REDIC1: variants seen among roughly 807,000 people sequenced by gnomAD.
REDIC1 encodes the protein regulator of DNA class I crossover intermediates 1, also known as HEI10 Interacting Protein 1.
the REDIC1 span, chr12:39,720,688 T>C: frequency 1.1e-6 from 1 of 951,094 alleles, no homozygotes; most frequent in South Asian, 1.6e-5. Flanking sequence ...TTTAGAAATT[T>C]TCTATAGTTG....
At chr12:39,712,468 G>A in the REDIC1 span, among the ~76,000 whole-genome samples, 1 of 119,868 alleles carries the variant, frequency 8.3e-6, no homozygotes, top group South Asian at 2.6e-4. Flanking sequence ...ATATACGTAT[G>A]TATATATACA....
At chr12:39,734,980 CTTTA>C in the REDIC1 span, among the ~76,000 whole-genome samples, 1 of 152,158 alleles carries the variant, frequency 6.6e-6, no homozygotes, top group African/African-American at 2.4e-5. Context: ...TGCTGTATCT[CTTTA>C]TTTATTCAGG....
the REDIC1 span, among the ~76,000 whole-genome samples, chr12:39,668,248 T>C: frequency 6.6e-6 from 1 of 152,160 alleles, no homozygotes. Context: ...AGGAGCTCTT[T>C]TAGGGCAGGC....
the REDIC1 span, among the ~76,000 whole-genome samples, chr12:39,881,393 A>G: frequency 4.6e-5 from 7 of 152,164 alleles, no homozygotes; most frequent in Non-Finnish European, 8.8e-5. Context: ...CTAGAAATAA[A>G]ATGTTTAAGG....
At chr12:39,833,315 T>A in the REDIC1 span, among the ~76,000 whole-genome samples, 3 of 152,092 alleles carry the variant, frequency 2.0e-5, no homozygotes, top group Admixed American at 2.0e-4. Flanking sequence ...CTAGAACACC[T>A]ATATAGATCC....
At chr12:39,800,242 T>A in the REDIC1 span, among the ~76,000 whole-genome samples, 1 of 152,198 alleles carries the variant, frequency 6.6e-6, no homozygotes. Context: ...AAATAATTTG[T>A]GACTAGAATC....
chr12:39,797,727 A>AACACAC, the REDIC1 span, among the ~76,000 whole-genome samples: 4 of 84,054 alleles, frequency 4.8e-5, no homozygotes, highest in South Asian at 5.0e-4. Flanking sequence ...AGTTATGGTA[A>AACACAC]ACACACACAC....
the REDIC1 span, among the ~76,000 whole-genome samples, chr12:39,890,769 A>G: frequency 6.6e-6 from 1 of 152,192 alleles, no homozygotes; most frequent in African/African-American, 2.4e-5. Flanking sequence ...ATATACTGAG[A>G]CCCTATGTTA....
chr12:39,812,996 A>AT, the REDIC1 span, among the ~76,000 whole-genome samples: 33 of 40,614 alleles, frequency 8.1e-4, 7 homozygotes, highest in African/African-American at 2.5e-3. Flanking sequence ...TGCCCAGCTA[A>AT]TTTTTTTTTT....
chr12:39,651,667 C>T, the REDIC1 span, among the ~76,000 whole-genome samples: 1 of 152,128 alleles, frequency 6.6e-6, no homozygotes, highest in Non-Finnish European at 1.5e-5. Context: ...ATCATTCTTT[C>T]TTGCCTGGAG....
chr12:39,690,926 C>T, the REDIC1 span, among the ~76,000 whole-genome samples: 15 of 151,988 alleles, frequency 9.9e-5, no homozygotes, highest in Admixed American at 3.3e-4. Flanking sequence ...GCAGGCCTGC[C>T]GTGGGGTCTA....
chr12:39,701,001 A>G, the REDIC1 span, among the ~76,000 whole-genome samples: 3 of 148,744 alleles, frequency 2.0e-5, no homozygotes. Flanking sequence ...TGTAAAGACC[A>G]TCGAGACTAG....
At chr12:39,737,054 C>G in the REDIC1 span, among the ~76,000 whole-genome samples, 1 of 152,188 alleles carries the variant, frequency 6.6e-6, no homozygotes, top group Non-Finnish European at 1.5e-5. Flanking sequence ...CTCCTTACTG[C>G]TGTATTTACT....
the REDIC1 span, among the ~76,000 whole-genome samples, chr12:39,643,135 A>G: frequency 1.3e-5 from 2 of 151,738 alleles, no homozygotes; most frequent in African/African-American, 2.4e-5. Context: ...AATATTAGTT[A>G]ATTTTTATTT....
the REDIC1 span, chr12:39,835,853 G>A: frequency 2.0e-5 from 3 of 152,166 alleles, no homozygotes; most frequent in Middle Eastern, 3.4e-3. Flanking sequence ...ATGAATTGAC[G>A]TAAATATATT....
At chr12:39,851,916 T>G in the REDIC1 span, among the ~76,000 whole-genome samples, 35 of 152,362 alleles carry the variant, frequency 2.3e-4, no homozygotes, top group African/African-American at 8.4e-4. Flanking sequence ...TTGTGTGTAT[T>G]TCTTTTGTAC....
chr12:39,803,797 G>A, the REDIC1 span, among the ~76,000 whole-genome samples: 12 of 152,256 alleles, frequency 7.9e-5, no homozygotes, highest in East Asian at 2.3e-3. Context: ...ACAGAAGAGA[G>A]ATAATATGGT....
chr12:39,720,922 G>C, the REDIC1 span: 3 of 1,613,498 alleles, frequency 1.9e-6, no homozygotes, highest in African/African-American at 4.0e-5. Context: ...TGTTAAAAAC[G>C]ATGACAAAAT....
the REDIC1 span, among the ~76,000 whole-genome samples, chr12:39,667,369 T>G: frequency 3.3e-5 from 5 of 152,122 alleles, no homozygotes; most frequent in South Asian, 6.2e-4. Flanking sequence ...CCATGTAGTT[T>G]AGCGGTTTTG....
Sources: gnomAD v4.1 joint callset for allele counts (sites outside exome capture counted in the v4.1 genomes callset) on GRCh38, gnomAD v4.1.1 for gene constraint, MANE v1.5 for transcripts, NCBI Gene and HGNC (gene_info 2026-07-23, HGNC 2026-07-21) for gene names.